The following DYRK1A variants were observed in gnomAD, a reference collection of about 807,000 sequenced individuals.
The protein encoded by DYRK1A is dual specificity tyrosine-phosphorylation-regulated kinase 1A.
DYRK1A carries 9 observed loss-of-function variants against 79.7 expected under a neutral mutation model. That is an observed-to-expected ratio of 0.11 (90% CI 0.07 to 0.20). The LOEUF (loss-of-function observed/expected upper bound fraction) is 0.20. Among genes scored for constraint, DYRK1A ranks in the 10% least tolerant of loss-of-function variants. The pLI, the probability that DYRK1A is intolerant of heterozygous loss-of-function variation, is 1.00. For missense variants in DYRK1A, 622 were observed against 956.0 expected (o/e 0.65, Z 4.61); for synonymous variants, 349 against 329.7 (o/e 1.06, Z -0.63).
At chr21:37,435,798 T>A (rs562900660) in intron 2 of DYRK1A, among the ~76,000 whole-genome samples, 1 of 152,342 alleles carries the variant, frequency 6.6e-6, no homozygotes, top group East Asian at 1.9e-4. Context: ...TTGTACTGCC[T>A]GTGTAGTCTA....
chr21:37,493,933 C>CTTTTTTT (rs35158368), intron 8 of DYRK1A, among the ~76,000 whole-genome samples: 1 of 114,228 alleles, frequency 8.8e-6, no homozygotes, highest in Non-Finnish European at 1.7e-5. Context: ...TTTAATTCTT[C>CTTTTTTT]TTTTTTTTTT....
chr21:37,465,576 C>T (rs1569347477), intron 2 of DYRK1A, among the ~76,000 whole-genome samples: 1 of 152,162 alleles, frequency 6.6e-6, no homozygotes. Context: ...GTGGCTCATG[C>T]CTGTAATCCT....
rs766355224 is a variant in DYRK1A, at chr21:37,479,688, C to T, written c.301-950C>T. Among the ~76,000 whole-genome samples, 30 of 130,542 alleles carry T rather than the reference C, an allele frequency of 2.3e-4. No homozygotes were observed. In the Admixed American group the frequency reaches 2.4e-3, roughly 10 times the overall value. The allele number at this position is 130,542 out of a possible 152,430, so 85.6% of individuals were successfully genotyped here. ...AGGCTGCCAGCCTGGAGTGCAGTGGCGCGATCTCGGCTCACCGCAACCTCC... is the reference window on the plus strand; with the variant it reads ...AGGCTGCCAGCCTGGAGTGCAGTGGTGCGATCTCGGCTCACCGCAACCTCC... On this transcript the variant is annotated intron_variant, in intron 4 of 11. Transcript: ENST00000647188.
chr21:37,478,416 T>A, intron 4 of DYRK1A, 116 bp downstream of exon 4: 2 of 746,444 alleles, frequency 2.7e-6, no homozygotes, highest in Middle Eastern at 2.6e-4. Flanking sequence ...TATTGATGAT[T>A]ATTATGAAGA....
intron 5 of DYRK1A, among the ~76,000 whole-genome samples, chr21:37,483,982 G>A (rs2052754378): frequency 6.6e-6 from 1 of 152,116 alleles, no homozygotes. Context: ...CTTAACTAAG[G>A]GTGTGAATAC....
chr21:37,389,677 C>G (rs2049832612), intron 1 of DYRK1A, among the ~76,000 whole-genome samples: 1 of 151,286 alleles, frequency 6.6e-6, no homozygotes, highest in Non-Finnish European at 1.5e-5. Flanking sequence ...AGGAGTAAGG[C>G]ATAAAGCTGA....
intron 2 of DYRK1A, among the ~76,000 whole-genome samples, chr21:37,457,517 A>C (rs967899230): frequency 2.0e-5 from 3 of 152,186 alleles, no homozygotes; most frequent in Non-Finnish European, 4.4e-5. Context: ...GATTACAGGC[A>C]TGTGCCACCG....
chr21:37,444,745 C>T (rs558024647), intron 2 of DYRK1A, among the ~76,000 whole-genome samples: 22 of 152,156 alleles, frequency 1.4e-4, no homozygotes, highest in African/African-American at 5.3e-4. Flanking sequence ...TAGTTTGCTT[C>T]TAGATAAGAT....
At position 37,376,124 on chromosome 21, in the gene DYRK1A, G is replaced by A. The variant is rs965432719; in HGVS notation, c.-77+8496G>A. ...GGGAGAACAGCTGCTTAGTGCAGGT[G>A]TCAGTCCAGAAATCAGAATGATGCC... On this transcript the variant is annotated intron_variant, in intron 1 of 11. Coordinates refer to ENST00000647188, the MANE Select transcript of DYRK1A (RefSeq NM_001347721.2). Among the ~76,000 whole-genome samples the A allele has an allele frequency of 2.0e-5, 3 of 152,274 alleles. No individual in the cohort carries two copies. The East Asian group carries it at 5.8e-4, about 30-fold the overall frequency.
At chr21:37,450,636 T>C (rs1429458210) in intron 2 of DYRK1A, among the ~76,000 whole-genome samples, 1 of 152,228 alleles carries the variant, frequency 6.6e-6, no homozygotes, top group Non-Finnish European at 1.5e-5. Flanking sequence ...TCAGATACTC[T>C]AGCCTTGGGC....
At chr21:37,430,613 G>T in intron 2 of DYRK1A, among the ~76,000 whole-genome samples, 1 of 152,222 alleles carries the variant, frequency 6.6e-6, no homozygotes, top group East Asian at 1.9e-4. Flanking sequence ...GAGGCATGTG[G>T]ACTGACAGGC....
chr21:37,472,898 C>A lies in DYRK1A; in HGVS notation c.207+18C>A. The A allele has an allele frequency of 6.7e-7, 1 of 1,492,660 alleles. No individual in the cohort carries two copies. Among genetic ancestry groups the A allele is most frequent in the South Asian group, 1.4e-5 (1 of 73,236 alleles). The allele number at this position is 1,492,660 out of a possible 1,614,324, so 92.5% of individuals were successfully genotyped here. On this transcript the variant is annotated intron_variant, in intron 3 of 11. Coordinates refer to ENST00000647188, the MANE Select transcript of DYRK1A (RefSeq NM_001347721.2). ...CTAACCAGGTAAGTTCATGGAGTAT[C>A]AGAAATGACTATTGGAATGGCAGTT...
intron 2 of DYRK1A, among the ~76,000 whole-genome samples, chr21:37,459,862 T>C (rs912097010): frequency 2.0e-5 from 3 of 152,184 alleles, no homozygotes; most frequent in Non-Finnish European, 4.4e-5. Flanking sequence ...TTCGTTTTTT[T>C]CCCGCAAAGG....
At chr21:37,453,001 T>C (rs1299093863) in intron 2 of DYRK1A, among the ~76,000 whole-genome samples, 1 of 152,146 alleles carries the variant, frequency 6.6e-6, no homozygotes, top group Admixed American at 6.5e-5. Context: ...TCCCAGCATT[T>C]TGGGAGGGCA....
chr21:37,397,653 C>T (rs187746466), intron 1 of DYRK1A, among the ~76,000 whole-genome samples: 66 of 152,172 alleles, frequency 4.3e-4, no homozygotes, highest in African/African-American at 1.5e-3. Flanking sequence ...ATCTAAATAC[C>T]CAAAGTTGGC....
At position 37,367,356 on chromosome 21, in the gene DYRK1A, C is replaced by CG. The variant is rs5843825; in HGVS notation, c.-347dup. ...GCCGACGCCGCCCTCTGCGCCGGGC[C>CG]GGCCGTGCGGCCCCGCCGCCTGGAA... is the stretch of plus-strand genomic sequence containing the variant. On this transcript the variant is annotated 5_prime_UTR_variant, in exon 1 of 12. Coordinates refer to ENST00000647188, the MANE Select transcript of DYRK1A (RefSeq NM_001347721.2). The CG allele has an allele frequency of 1, 149,054 of 149,090 alleles. 74,509 individuals carry two copies. The highest frequency in any genetic ancestry group is 1 in the Middle Eastern group (292 of 292). The allele number at this position is 149,090 out of a possible 1,614,324, so 9.2% of individuals were successfully genotyped here. A position where few individuals can be genotyped will look rare whatever the true frequency, so the allele number is the denominator to read the frequency against.
rs1458995149 is a variant in DYRK1A at position 37,513,965 on chromosome 21, G to C, written c.*1434G>C. On this transcript the variant is annotated 3_prime_UTR_variant, in exon 12 of 12. Transcript: ENST00000647188. ...TTGCTTAAACAAAACTGGAACTGTT[G>C]TTGAATCCATAGCCAATACATTTAC... 1.3e-5 allele frequency: 2 copies of C among 152,576 alleles called. No individual in the cohort carries two copies. The highest frequency in any genetic ancestry group is 1.3e-4 in the Admixed American group (2 of 15,270). 9.5% of individuals were successfully genotyped at this position (152,576 alleles called of 1,614,324 possible).
intron 1 of DYRK1A, among the ~76,000 whole-genome samples, chr21:37,377,096 C>T (rs1350430620): frequency 6.6e-6 from 1 of 151,996 alleles, no homozygotes; most frequent in Admixed American, 6.6e-5. Context: ...ACTAAACACA[C>T]AGTTTTGCAA....
At chr21:37,440,191 A>G (rs1316538592) in intron 2 of DYRK1A, among the ~76,000 whole-genome samples, 7 of 102,216 alleles carry the variant, frequency 6.8e-5, no homozygotes, top group Non-Finnish European at 9.5e-5. Context: ...GCTGGAGTGC[A>G]GTGGTGTGAT....
Sources: allele counts gnomAD v4.1 joint callset (sites outside exome capture counted in the v4.1 genomes callset), GRCh38; gene constraint gnomAD v4.1.1; transcripts MANE v1.5; gene names NCBI Gene and HGNC (gene_info 2026-07-23, HGNC 2026-07-21).